The following MRPL3 variants were observed in gnomAD, a reference collection of about 807,000 sequenced individuals.
MRPL3 encodes the protein large ribosomal subunit protein uL3m.
Under a neutral mutation model 44.3 loss-of-function variants are expected in MRPL3, and 43 were observed. That is an observed-to-expected ratio of 0.97 (90% CI 0.76 to 1.25). The LOEUF is 1.25. Among genes scored for constraint, MRPL3 ranks in the 50% most tolerant of loss-of-function variants. MRPL3 has a pLI of 0.00. For synonymous variants in MRPL3, 171 were observed against 152.3 expected (o/e 1.12, Z -0.91); for missense variants, 406 against 427.6 (o/e 0.95, Z 0.45).
At chr3:131,496,063 A>G (rs1436432787) in intron 4 of MRPL3, among the ~76,000 whole-genome samples, 2 of 152,210 alleles carry the variant, frequency 1.3e-5, no homozygotes, top group East Asian at 3.8e-4. Flanking sequence ...AGAAGGGATT[A>G]CCCTAGCATG....
intron 6 of MRPL3, among the ~76,000 whole-genome samples, chr3:131,472,574 G>A (rs1479910191): frequency 6.6e-6 from 1 of 152,104 alleles, no homozygotes. Context: ...TCAACACAGT[G>A]CTAGAAGTCT....
chr3:131,473,337 G>A (rs1469980625), intron 6 of MRPL3, among the ~76,000 whole-genome samples: 1 of 151,754 alleles, frequency 6.6e-6, no homozygotes, highest in East Asian at 1.9e-4. Flanking sequence ...AATGGTGCTG[G>A]AAAACTTGAA....
chr3:131,472,261 GAAGA>G (rs2110697145), intron 6 of MRPL3, among the ~76,000 whole-genome samples: 2 of 152,228 alleles, frequency 1.3e-5, no homozygotes, highest in African/African-American at 4.8e-5. Context: ...TCAGGGTTGA[GAAGA>G]AACAAATGGA....
At position 131,501,532 on chromosome 3, in the gene MRPL3, T is replaced by C; in HGVS notation, c.276A>G (p.Pro92=). The C allele has an allele frequency of 1.2e-6, 2 of 1,609,750 alleles. No individual in the cohort carries two copies. The highest frequency in any genetic ancestry group is 1.7e-6 in the Non-Finnish European group (2 of 1,178,618). The change falls in exon 2 of 10, where the codon CCA becomes CCG. Residue 92 remains proline (P), a splice_region_variant and synonymous_variant. Coordinates refer to ENST00000264995, the MANE Select transcript of MRPL3 (RefSeq NM_007208.4). ...DEPWPIHPWE[P]GSFRVGLIAL... ...GCTCATCAAATACAAAATAATCACC[T>C]GGTTCCCAAGGATGTATAGGCCATG...
At chr3:131,493,979 T>G (rs1285982061) in intron 4 of MRPL3, among the ~76,000 whole-genome samples, 2 of 152,238 alleles carry the variant, frequency 1.3e-5, no homozygotes, top group African/African-American at 4.8e-5. Context: ...AGTTACTTGT[T>G]CAGTTTAAAA....
chr3:131,462,489 T>C lies in MRPL3; in HGVS notation c.*234A>G, dbSNP rs1933511325. 1 of 352,428 alleles carries C rather than the reference T, an allele frequency of 2.8e-6. No homozygotes were observed. The highest frequency in any genetic ancestry group is 5.0e-6 in the Non-Finnish European group (1 of 198,222). 21.8% of individuals were successfully genotyped at this position (352,428 alleles called of 1,614,324 possible). A position where few individuals can be genotyped will look rare whatever the true frequency, so the allele number is the denominator to read the frequency against. On this transcript the variant is annotated 3_prime_UTR_variant, in exon 10 of 10. Transcript: ENST00000264995. ...CCACAAATTAAGAATATTTTGCTAA[T>C]ATGCCCAACACCAATTTCAGCAAAT... is the stretch of plus-strand genomic sequence containing the variant.
At chr3:131,488,399 T>C (rs1175416617) in intron 5 of MRPL3, among the ~76,000 whole-genome samples, 2 of 152,262 alleles carry the variant, frequency 1.3e-5, no homozygotes, top group East Asian at 1.9e-4. Context: ...ACTTGGGAAA[T>C]GTTATTTTAA....
rs151301472 is a variant in MRPL3, at chr3:131,473,867, C to G, written c.630-2588G>C. Reference sequence around the variant, plus strand: ...TCAAAACCACAATGAGATACCATCTCATTCCAGTTAGAATGGCTACTGTCA... The same window carrying G: ...TCAAAACCACAATGAGATACCATCTGATTCCAGTTAGAATGGCTACTGTCA... On this transcript the variant is annotated intron_variant, in intron 6 of 9. Coordinates refer to ENST00000264995, the MANE Select transcript of MRPL3 (RefSeq NM_007208.4). 5.3e-3 allele frequency among the ~76,000 whole-genome samples: 808 copies of G among 152,188 alleles called. 4 individuals are homozygous for G. Among genetic ancestry groups the G allele is most frequent in the African/African-American group, 0.018 (761 of 41,520 alleles).
At chr3:131,484,076 T>C (rs540315393) in intron 6 of MRPL3, among the ~76,000 whole-genome samples, 61 of 152,302 alleles carry the variant, frequency 4.0e-4, no homozygotes, top group Non-Finnish European at 7.9e-4. Flanking sequence ...TTATTGGCAA[T>C]GTTATTTTAA....
At chr3:131,464,316 C>T (rs376433279) in intron 9 of MRPL3, among the ~76,000 whole-genome samples, 6 of 152,230 alleles carry the variant, frequency 3.9e-5, no homozygotes, top group South Asian at 4.2e-4. Context: ...TTTTAGACGA[C>T]GGAATCACTG....
At chr3:131,467,253 CAT>C (rs998387842) in intron 9 of MRPL3, among the ~76,000 whole-genome samples, 45 of 74,396 alleles carry the variant, frequency 6.0e-4, no homozygotes, top group Admixed American at 1.1e-3. Context: ...CACACACACA[CAT>C]ACACACACAC....
chr3:131,482,076 T>C (rs1346774949), intron 6 of MRPL3, among the ~76,000 whole-genome samples: 1 of 152,218 alleles, frequency 6.6e-6, no homozygotes, highest in Non-Finnish European at 1.5e-5. Context: ...AGAACCCATG[T>C]TGACAGTTTA....
At chr3:131,469,101 T>C (rs1325887473) in intron 8 of MRPL3, among the ~76,000 whole-genome samples, 1 of 152,116 alleles carries the variant, frequency 6.6e-6, no homozygotes, top group Non-Finnish European at 1.5e-5. Context: ...AGAGATTGAA[T>C]TCAACTTCTC....
intron 6 of MRPL3, among the ~76,000 whole-genome samples, chr3:131,486,872 AAC>A (rs771860771): frequency 1.3e-5 from 2 of 152,206 alleles, no homozygotes; most frequent in Non-Finnish European, 2.9e-5. Context: ...AAATTAGTTC[AAC>A]CATTATGGAA....
intron 4 of MRPL3, among the ~76,000 whole-genome samples, chr3:131,495,427 A>G (rs968139685): frequency 6.6e-6 from 1 of 152,126 alleles, no homozygotes; most frequent in African/African-American, 2.4e-5. Context: ...TAGAAATTTT[A>G]TATCTTGAAG....
chr3:131,471,982 A>T (rs530370587), intron 6 of MRPL3, among the ~76,000 whole-genome samples: 1 of 152,172 alleles, frequency 6.6e-6, no homozygotes, highest in Admixed American at 6.6e-5. Flanking sequence ...ATTCTCCCCA[A>T]TTAGAACCTT....
intron 7 of MRPL3, among the ~76,000 whole-genome samples, chr3:131,470,355 G>A (rs1933712258): frequency 6.6e-6 from 1 of 152,088 alleles, no homozygotes. Flanking sequence ...ATCTAAAGAA[G>A]CAAATCTGAA....
Position 131,487,736 on chromosome 3 carries a change from A to T in MRPL3, c.573T>A (p.Thr191=). The change falls in exon 6 of 10, where the codon ACT becomes ACA. Residue 191 remains threonine (T), a synonymous_variant. Transcript: ENST00000264995. ...GACGAAAGTGAGCAGCATAAAGAGG[A>T]GTGCCTTTATGAAAAGAAAATGAAA... ...ITDNAAIKPG[T]PLYAAHFRPG... is the part of the protein sequence containing the mutation. The T allele has an allele frequency of 6.2e-7, 1 of 1,608,832 alleles. No homozygotes were observed. The highest frequency in any genetic ancestry group is 8.5e-7 in the Non-Finnish European group (1 of 1,178,616).
At chr3:131,477,110 CA>C (rs1933869570) in intron 6 of MRPL3, among the ~76,000 whole-genome samples, 1 of 152,204 alleles carries the variant, frequency 6.6e-6, no homozygotes, top group Non-Finnish European at 1.5e-5. Context: ...AAGAGACACA[CA>C]GGTTTTAATA....
Sources: allele counts gnomAD v4.1 joint callset (sites outside exome capture counted in the v4.1 genomes callset), GRCh38; gene constraint gnomAD v4.1.1; transcripts MANE v1.5; gene names NCBI Gene and HGNC (gene_info 2026-07-23, HGNC 2026-07-21).